The following NDUFA10 variants were observed in gnomAD, a reference collection of about 807,000 sequenced individuals.
NDUFA10 encodes NADH:ubiquinone oxidoreductase subunit A10.
In NDUFA10, 40 loss-of-function variants were observed where a neutral mutation model predicts 47.8. The observed-to-expected ratio is 0.84, with a 90% CI of 0.65 to 1.09. NDUFA10 has a LOEUF of 1.09. NDUFA10 is among the 50% of genes least tolerant of loss of function. The probability of loss-of-function intolerance (pLI) is 0.00; values close to 1 mark genes in which losing one functional copy is unlikely to be tolerated. For synonymous variants in NDUFA10, 183 were observed against 172.2 expected (o/e 1.06, Z -0.49); for missense variants, 413 against 451.1 (o/e 0.92, Z 0.76).
chr2:240,014,576 C>T, intron 5 of NDUFA10, 163 bp downstream of exon 5: 2 of 1,164,942 alleles, frequency 1.7e-6, no homozygotes, highest in Admixed American at 1.8e-5. Flanking sequence ...TGGGGTCTCC[C>T]CTCCACCCCT....
intron 9 of NDUFA10, among the ~76,000 whole-genome samples, chr2:239,974,216 A>G (rs1451392533): frequency 1.3e-5 from 2 of 152,230 alleles, no homozygotes; most frequent in South Asian, 2.1e-4. Context: ...GGCGTGAGCC[A>G]CTGCACCCAA....
At position 240,016,695 on chromosome 2, in the gene NDUFA10, G is replaced by A. The variant is rs1697361667; in HGVS notation, c.548-1835C>T. Among the ~76,000 whole-genome samples, 1 of 152,036 alleles carries A rather than the reference G, an allele frequency of 6.6e-6. No homozygotes were observed. The highest frequency in any genetic ancestry group is 2.4e-5 in the African/African-American group (1 of 41,398). Reference sequence around the variant, plus strand: ...CCCAGAAATGGTCCCCAAAGGATCTGGTCTCAGCCCTCCCCCATCACCCCT... The same window carrying A: ...CCCAGAAATGGTCCCCAAAGGATCTAGTCTCAGCCCTCCCCCATCACCCCT... On this transcript the variant is annotated intron_variant, in intron 4 of 9. Coordinates refer to ENST00000252711, the MANE Select transcript of NDUFA10 (RefSeq NM_004544.4). This position sits in a 1 kb window ranked among gnomAD's most constrained non-coding sequence, Gnocchi z 4.4.
intron 5 of NDUFA10, among the ~76,000 whole-genome samples, chr2:239,893,832 A>G (rs1693339337): frequency 2.0e-5 from 3 of 152,138 alleles, no homozygotes; most frequent in Non-Finnish European, 4.4e-5. Context: ...GAGCTCCACC[A>G]TCCCAGCCTC....
chr2:239,978,542 G>A (rs1337442632), intron 9 of NDUFA10, among the ~76,000 whole-genome samples: 1 of 152,100 alleles, frequency 6.6e-6, no homozygotes, highest in Non-Finnish European at 1.5e-5. Flanking sequence ...ACCCCGATTG[G>A]ATCACTCACA....
At chr2:239,918,363 C>G (rs1000646100) in intron 4 of NDUFA10, among the ~76,000 whole-genome samples, 15 of 152,178 alleles carry the variant, frequency 9.9e-5, no homozygotes, top group Non-Finnish European at 1.6e-4. Flanking sequence ...CTCAGGAAGC[C>G]CACCCTTGCA....
chr2:239,952,539 A>G (rs2106384926), downstream of NDUFA10, among the ~76,000 whole-genome samples: 1 of 152,340 alleles, frequency 6.6e-6, no homozygotes, highest in South Asian at 2.1e-4. Flanking sequence ...AACAGCTTCC[A>G]GGTACCCCTG....
Position 240,014,567 on chromosome 2 carries a change from G to A in NDUFA10, c.669+172C>T, listed in dbSNP as rs115959597. The A allele has an allele frequency of 1.1e-3, 1,198 of 1,071,710 alleles. 14 individuals carry two copies. In the African/African-American group the frequency reaches 0.016, roughly 15 times the overall value. 66.4% of individuals were successfully genotyped at this position (1,071,710 alleles called of 1,614,324 possible). A position where few individuals can be genotyped will look rare whatever the true frequency, so the allele number is the denominator to read the frequency against. ...AGGCTGTGGCACCAGGCCGAGCCAT[G>A]GGGTCTCCCCTCCACCCCTGCAGAT... On this transcript the variant is annotated intron_variant, in intron 5 of 9. Transcript: ENST00000252711.
chr2:239,942,112 G>A (rs149656858), intron 4 of NDUFA10, among the ~76,000 whole-genome samples: 18 of 152,314 alleles, frequency 1.2e-4, no homozygotes, highest in South Asian at 2.1e-4. Flanking sequence ...TTCTTTTGCC[G>A]GACTGCCTTT....
rs143065213 is a variant in NDUFA10, at chr2:239,915,645, C to G, written c.295-20331G>C. Among the ~76,000 whole-genome samples the G allele has an allele frequency of 7.8e-3, 1,164 of 148,870 alleles. 7 individuals carry two copies. The highest frequency in any genetic ancestry group is 1.0e-2 in the Non-Finnish European group (672 of 67,346). ...AGACACACACAAATATACAGACACA[C>G]AGAGACACACAGAGATGCACACACA... On this transcript the variant is annotated intron_variant, in intron 4 of 5. Coordinates refer to the NDUFA10 transcript ENST00000419408.
chr2:239,980,510 T>C (rs1695729003), intron 9 of NDUFA10, among the ~76,000 whole-genome samples: 1 of 152,160 alleles, frequency 6.6e-6, no homozygotes, highest in Admixed American at 6.5e-5. Flanking sequence ...TAAATACCTA[T>C]TGAGTATATA....
chr2:239,932,728 C>T (rs549416536), intron 4 of NDUFA10, among the ~76,000 whole-genome samples: 32 of 152,054 alleles, frequency 2.1e-4, no homozygotes, highest in Admixed American at 7.9e-4. Flanking sequence ...TACAGGCATC[C>T]GCCACCATAC....
chr2:239,999,749 G>A (rs1487516004), intron 8 of NDUFA10, among the ~76,000 whole-genome samples: 1 of 152,230 alleles, frequency 6.6e-6, no homozygotes, highest in Non-Finnish European at 1.5e-5. Context: ...TGAATTTTGG[G>A]AAAATGGAAA....
chr2:239,921,736 G>A (rs533003449), intron 4 of NDUFA10, among the ~76,000 whole-genome samples: 119 of 152,320 alleles, frequency 7.8e-4, no homozygotes, highest in African/African-American at 2.8e-3. Flanking sequence ...GGCCGGGTCA[G>A]ACATTAGTGA....
At chr2:239,989,019 A>AAAGGGAGAAACAGCACACAC in intron 9 of NDUFA10, among the ~76,000 whole-genome samples, 1 of 150,036 alleles carries the variant, frequency 6.7e-6, no homozygotes, top group Admixed American at 6.6e-5. Context: ...ACAAGGACAG[A>AAAGGGAGAAACAGCACACAC]TAAGGGAGAA....
chr2:239,905,936 G>A (rs992529339), intron 4 of NDUFA10, among the ~76,000 whole-genome samples: 16 of 151,966 alleles, frequency 1.1e-4, no homozygotes, highest in African/African-American at 3.6e-4. Flanking sequence ...AGTGGAGGCC[G>A]GCCTCCCCTA....
Position 239,928,244 on chromosome 2 carries a change from C to T in NDUFA10, c.295-32930G>A, listed in dbSNP as rs1024719714. Among the ~76,000 whole-genome samples the T allele has an allele frequency of 3.9e-5, 6 of 151,964 alleles. No individual in the cohort carries two copies. The highest frequency in any genetic ancestry group is 8.8e-5 in the Non-Finnish European group (6 of 67,998). The stretch of plus-strand genomic sequence containing the variant: ...GCAGGTACCAATGCCACTTTGAAGG[C>T]ATAATTGTTCCATAACAGAAGAAAA... On this transcript the variant is annotated intron_variant, in intron 4 of 5. Coordinates refer to the NDUFA10 transcript ENST00000419408. This position sits in a 1 kb window ranked among gnomAD's most constrained non-coding sequence, Gnocchi z 4.3.
At chr2:239,904,427 A>G (rs1693610743) in intron 4 of NDUFA10, among the ~76,000 whole-genome samples, 1 of 152,086 alleles carries the variant, frequency 6.6e-6, no homozygotes, top group Non-Finnish European at 1.5e-5. Context: ...CCTCCTGAGT[A>G]GCTGGGATTA....
intron 4 of NDUFA10, among the ~76,000 whole-genome samples, chr2:239,936,774 G>A (rs1001062625): frequency 2.6e-5 from 4 of 152,176 alleles, no homozygotes; most frequent in East Asian, 1.9e-4. Context: ...CCAACATGGC[G>A]AAACCCTGTC....
chr2:239,989,542 C>T (rs1001964755), intron 9 of NDUFA10, among the ~76,000 whole-genome samples: 3 of 152,256 alleles, frequency 2.0e-5, no homozygotes, highest in East Asian at 3.8e-4. Flanking sequence ...AACTTACACA[C>T]GCCTCGAACC....
Sources: allele counts gnomAD v4.1 joint callset (sites outside exome capture counted in the v4.1 genomes callset), GRCh38; gene constraint gnomAD v4.1.1; non-coding constraint Gnocchi (gnomAD v3.1); transcripts MANE v1.5; gene names NCBI Gene and HGNC (gene_info 2026-07-23, HGNC 2026-07-21).